Variants in TDRD9 observed in about 807,000 individuals in gnomAD.
TDRD9 encodes the protein tudor domain containing 9.
A neutral mutation model predicts 172.6 loss-of-function variants in TDRD9; 124 were observed. The ratio of observed to expected loss-of-function variants is 0.72; its 90% CI spans 0.62 to 0.83. TDRD9 has a LOEUF of 0.83. TDRD9 is among the 40% of genes least tolerant of loss of function. TDRD9 has a pLI of 0.00. For missense variants in TDRD9, 1,479 were observed against 1,714.1 expected (o/e 0.86, Z 2.42); for synonymous variants, 619 against 617.1 (o/e 1.00, Z -0.05).
chr14:103,962,632 C>G (rs2032560242), intron 2 of TDRD9, among the ~76,000 whole-genome samples: 1 of 152,068 alleles, frequency 6.6e-6, no homozygotes, highest in Admixed American at 6.6e-5. Flanking sequence ...GCCCTTGCCC[C>G]TCCCTCCCTC....
At position 104,006,768 on chromosome 14, in the gene TDRD9, T is replaced by TTCC; in HGVS notation, c.1944-13_1944-12insCCT. On this transcript the variant is annotated splice_polypyrimidine_tract_variant and intron_variant, in intron 17 of 35. Coordinates refer to ENST00000409874, the MANE Select transcript of TDRD9 (RefSeq NM_153046.3). ...ATTTTAATGGTATTGAATGACACTG[T>TTCC]TATCTGTTTATAGGAACAAAGTGAA... 1 of 1,613,596 alleles carries TTCC rather than the reference T, an allele frequency of 6.2e-7. No homozygotes were observed. Among genetic ancestry groups the TTCC allele is most frequent in the Non-Finnish European group, 8.5e-7 (1 of 1,179,614 alleles).
intron 1 of TDRD9, among the ~76,000 whole-genome samples, chr14:103,934,398 A>T (rs2030612611): frequency 6.6e-6 from 1 of 152,222 alleles, no homozygotes; most frequent in Non-Finnish European, 1.5e-5. Context: ...GTGCTGGTGC[A>T]TGTTCTCTGT....
At chr14:103,936,021 A>G (rs550255472) in intron 1 of TDRD9, among the ~76,000 whole-genome samples, 5 of 152,236 alleles carry the variant, frequency 3.3e-5, no homozygotes, top group East Asian at 3.9e-4. Context: ...TGGTGAGTAG[A>G]TAAGTGTGGC....
At chr14:103,956,784 C>T (rs777933627) in intron 2 of TDRD9, among the ~76,000 whole-genome samples, 3 of 152,086 alleles carry the variant, frequency 2.0e-5, no homozygotes, top group Non-Finnish European at 4.4e-5. Flanking sequence ...GTTCAGAGTT[C>T]ACCGTTAGTT....
chr14:104,009,671 CAT>C (rs1190492656), intron 20 of TDRD9, among the ~76,000 whole-genome samples: 1 of 152,074 alleles, frequency 6.6e-6, no homozygotes, highest in Non-Finnish European at 1.5e-5. Flanking sequence ...ATTTTTGGCT[CAT>C]ATTAACACTT....
At chr14:104,016,696 G>T (rs1411034463) in intron 22 of TDRD9, among the ~76,000 whole-genome samples, 1 of 152,216 alleles carries the variant, frequency 6.6e-6, no homozygotes, top group African/African-American at 2.4e-5. Flanking sequence ...AAGCCCAGCA[G>T]CAGGGAGACT....
At chr14:103,952,188 G>GTATATATA (rs2031921492) in intron 1 of TDRD9, among the ~76,000 whole-genome samples, 15 of 56,740 alleles carry the variant, frequency 2.6e-4, no homozygotes, top group Non-Finnish European at 4.3e-4. Context: ...GTGCGTGTGT[G>GTATATATA]TGTATATATA....
rs140300503 is a variant in TDRD9, at chr14:104,029,086, C to T, written c.3283-2022C>T. The stretch of plus-strand genomic sequence containing the variant: ...TATAATGCTGGTTTGGTTACCGTAG[C>T]TTTGTAGTGTATTTCTAAGTCAGGT... On this transcript the variant is annotated intron_variant, in intron 28 of 35. Coordinates refer to ENST00000409874, the MANE Select transcript of TDRD9 (RefSeq NM_153046.3). Among the ~76,000 whole-genome samples the T allele has an allele frequency of 1.7e-3, 257 of 152,178 alleles. 2 individuals carry two copies. The highest frequency in any genetic ancestry group is 6.1e-3 in the African/African-American group (252 of 41,530).
intron 15 of TDRD9, 25 bp from the exon 16 acceptor site, chr14:104,006,364 A>G: frequency 6.2e-7 from 1 of 1,605,022 alleles, no homozygotes; most frequent in East Asian, 2.2e-5. Context: ...GTGCTTGATA[A>G]TAACACTAAT....
intron 7 of TDRD9, among the ~76,000 whole-genome samples, chr14:103,985,843 A>G (rs764804422): frequency 6.6e-5 from 10 of 152,170 alleles, no homozygotes; most frequent in Admixed American, 2.6e-4. Context: ...GGTTTGACAG[A>G]GGGGAAGGGC....
intron 35 of TDRD9, 70 bp from the exon 36 acceptor site, chr14:104,051,911 T>C (rs1195651867): frequency 7.7e-6 from 7 of 910,518 alleles, no homozygotes; most frequent in Non-Finnish European, 1.2e-5. Context: ...TGGATGTTAA[T>C]GCATGTGTAT....
At chr14:104,010,869 A>C (rs545519153) in intron 20 of TDRD9, among the ~76,000 whole-genome samples, 1 of 152,294 alleles carries the variant, frequency 6.6e-6, no homozygotes, top group East Asian at 1.9e-4. Context: ...TTTTTGATCC[A>C]CATTTGGTTG....
At chr14:103,949,306 G>A (rs1299045646) in intron 1 of TDRD9, among the ~76,000 whole-genome samples, 2 of 152,214 alleles carry the variant, frequency 1.3e-5, no homozygotes, top group African/African-American at 4.8e-5. Flanking sequence ...CAACAGGGAT[G>A]TATCTGCTAT....
chr14:104,047,741 G>A (rs1028609370), intron 34 of TDRD9, among the ~76,000 whole-genome samples: 1 of 152,052 alleles, frequency 6.6e-6, no homozygotes, highest in Non-Finnish European at 1.5e-5. Flanking sequence ...GTTAATTTCT[G>A]TTGATCTGTC....
intron 2 of TDRD9, among the ~76,000 whole-genome samples, chr14:103,960,912 C>T (rs944978767): frequency 9.9e-5 from 15 of 152,184 alleles, no homozygotes; most frequent in African/African-American, 2.7e-4. Flanking sequence ...TTTAGCAAAA[C>T]GAACGTGGCT....
chr14:103,937,869 A>ATTTTTTTT (rs2030877082), intron 1 of TDRD9, among the ~76,000 whole-genome samples: 1 of 130,754 alleles, frequency 7.6e-6, no homozygotes, highest in African/African-American at 2.8e-5. Context: ...TTTTTTTTTA[A>ATTTTTTTT]TTTTCTTTTT....
intron 12 of TDRD9, among the ~76,000 whole-genome samples, chr14:103,996,561 G>T (rs1270138731): frequency 1.3e-5 from 2 of 152,202 alleles, no homozygotes; most frequent in Non-Finnish European, 2.9e-5. Context: ...ATTAAATGAG[G>T]AGCGAGCTAT....
intron 30 of TDRD9, among the ~76,000 whole-genome samples, chr14:104,032,873 T>C (rs2035328847): frequency 6.6e-6 from 1 of 152,182 alleles, no homozygotes; most frequent in East Asian, 1.9e-4. Context: ...CCAGCCACCC[T>C]TGAAAGATCA....
Position 104,031,239 on chromosome 14 carries a change from T to A in TDRD9, c.3414T>A (p.Asn1138Lys). 6.4e-7 allele frequency: 1 copy of A among 1,551,684 alleles called. No homozygotes were observed. The highest frequency in any genetic ancestry group is 8.7e-7 in the Non-Finnish European group (1 of 1,146,896). The change falls in exon 29 of 36, where the codon AAT (asparagine) becomes AAA (lysine). Residue 1138 changes from asparagine (N) to lysine (K), a missense_variant. This residue lies in a region of TDRD9 where 1,413 missense variants were observed against 1,649.1 expected (regional missense o/e 0.86). Coordinates refer to ENST00000409874, the MANE Select transcript of TDRD9 (RefSeq NM_153046.3). The stretch of plus-strand genomic sequence containing the variant: ...TTTTGTTAGAGAGCTTTTCTACCAA[T>A]AAACTGGGTACTCCAAACTGTAAGG... Reference protein sequence around the residue: ...IRILLESFSTNKLGTPNCKAE... With the variant: ...IRILLESFSTKKLGTPNCKAE...
Sources: gnomAD v4.1 joint callset for allele counts (sites outside exome capture counted in the v4.1 genomes callset) on GRCh38, gnomAD v4.1.1 for gene constraint, gnomAD v4.1.1 regional missense constraint, MANE v1.5 for transcripts, NCBI Gene and HGNC (gene_info 2026-07-23, HGNC 2026-07-21) for gene names.